PLXNA2: variants seen among roughly 807,000 people sequenced by gnomAD.
The protein encoded by PLXNA2 is plexin A2.
A neutral mutation model predicts 193.5 loss-of-function variants in PLXNA2; 91 were observed. The observed-to-expected ratio is 0.47, with a 90% CI of 0.40 to 0.56. PLXNA2 has a LOEUF of 0.56. PLXNA2 is among the 20% of genes least tolerant of loss of function. The pLI, the probability that PLXNA2 is intolerant of heterozygous loss-of-function variation, is 0.00. For synonymous variants in PLXNA2, 997 were observed against 1,027.3 expected (o/e 0.97, Z 0.56); for missense variants, 1,995 against 2,503.2 (o/e 0.80, Z 4.33).
intron 2 of PLXNA2, among the ~76,000 whole-genome samples, chr1:208,212,191 G>C (rs917860047): frequency 1.3e-5 from 2 of 152,194 alleles, no homozygotes; most frequent in African/African-American, 2.4e-5. Flanking sequence ...CCCTCACCAG[G>C]GAAGAGCAGG....
rs371725917 is a variant in PLXNA2 at position 208,042,286 on chromosome 1, C to A, written c.4098G>T (p.Leu1366=). The change falls in exon 22 of 32, where the codon CTG becomes CTT. Residue 1366 remains leucine, a synonymous_variant. Coordinates refer to ENST00000367033, the MANE Select transcript of PLXNA2 (RefSeq NM_025179.4). ...GCAGCTCCAGGGTGCGGATGAAGGTCAGCAGGAACACCTTGTTGTTGATGA... is the reference window on the plus strand; with the variant it reads ...GCAGCTCCAGGGTGCGGATGAAGGTAAGCAGGAACACCTTGTTGTTGATGA... The part of the protein sequence containing the change: ...AQLINNKVFL[L]TFIRTLELQR... 2.8e-5 allele frequency: 45 copies of A among 1,614,084 alleles called. No homozygotes were observed. The highest frequency in any genetic ancestry group is 8.3e-5 in the Admixed American group (5 of 60,004).
At chr1:208,148,700 G>C (rs1048848166) in intron 3 of PLXNA2, among the ~76,000 whole-genome samples, 1 of 152,194 alleles carries the variant, frequency 6.6e-6, no homozygotes, top group African/African-American at 2.4e-5. Context: ...TGGACAATTT[G>C]TCTGGTCTTC....
intron 22 of PLXNA2, among the ~76,000 whole-genome samples, chr1:208,040,734 A>G (rs753238776): frequency 1.4e-4 from 21 of 152,244 alleles, no homozygotes; most frequent in Non-Finnish European, 1.9e-4. Flanking sequence ...GCTAAGCACT[A>G]TCCATTAGCT....
intron 5 of PLXNA2, among the ~76,000 whole-genome samples, chr1:208,099,817 C>T (rs555805684): frequency 3.9e-5 from 6 of 152,142 alleles, no homozygotes; most frequent in East Asian, 3.9e-4. Context: ...GATCCACCTG[C>T]GTCAGTCTCC....
At chr1:208,173,572 G>A (rs188687343) in intron 3 of PLXNA2, among the ~76,000 whole-genome samples, 4 of 152,318 alleles carry the variant, frequency 2.6e-5, no homozygotes, top group Admixed American at 2.0e-4. Context: ...CCAGCCCAGC[G>A]TTCTTTCCAG....
rs563657687 is a variant in PLXNA2 at position 208,045,410 on chromosome 1, G to A, written c.3496-200C>T. On this transcript the variant is annotated intron_variant, in intron 18 of 31. Transcript: ENST00000367033. ...AGAGAAAACAGACGCAGGAGAGAAT[G>A]AAAATGAAGAAGAGAGTGGGAAAAA... Among the ~76,000 whole-genome samples the A allele has an allele frequency of 2.0e-4, 31 of 152,314 alleles. No individual in the cohort carries two copies. The East Asian group carries it at 4.8e-3, about 24-fold the overall frequency.
intron 9 of PLXNA2, among the ~76,000 whole-genome samples, chr1:208,090,940 G>A (rs1666686757): frequency 6.6e-6 from 1 of 152,146 alleles, no homozygotes; most frequent in African/African-American, 2.4e-5. Context: ...AAGCTGTGGT[G>A]CCCACTCCCA....
intron 13 of PLXNA2, among the ~76,000 whole-genome samples, chr1:208,055,669 TC>T (rs1665407510): frequency 6.6e-6 from 1 of 152,124 alleles, no homozygotes; most frequent in Admixed American, 6.5e-5. Context: ...GTGGGGAAGA[TC>T]CGTGTTTAAC....
chr1:208,067,122 A>G (rs1039063326), intron 12 of PLXNA2, among the ~76,000 whole-genome samples: 7 of 152,320 alleles, frequency 4.6e-5, no homozygotes, highest in Non-Finnish European at 1.0e-4. Flanking sequence ...AGGCAGGCGG[A>G]TCACCTGAGT....
At chr1:208,220,586 C>G (rs1671296514) in intron 1 of PLXNA2, among the ~76,000 whole-genome samples, 1 of 151,646 alleles carries the variant, frequency 6.6e-6, no homozygotes, top group Non-Finnish European at 1.5e-5. Context: ...GCACGTGCCA[C>G]CACACCCGCC....
chr1:208,192,802 G>A (rs750783851), intron 3 of PLXNA2, among the ~76,000 whole-genome samples: 2 of 151,516 alleles, frequency 1.3e-5, no homozygotes, highest in East Asian at 1.9e-4. Context: ...CAGGAGAATC[G>A]CTTGAACCCA....
chr1:208,112,234 A>T (rs1667503994), intron 4 of PLXNA2, among the ~76,000 whole-genome samples: 1 of 152,212 alleles, frequency 6.6e-6, no homozygotes, highest in African/African-American at 2.4e-5. Flanking sequence ...TTCTGGCCCC[A>T]TACAGTGGAA....
At chr1:208,116,137 T>C (rs962958265) in intron 4 of PLXNA2, among the ~76,000 whole-genome samples, 1 of 152,046 alleles carries the variant, frequency 6.6e-6, no homozygotes, top group Non-Finnish European at 1.5e-5. Flanking sequence ...CCAAACATCC[T>C]CCCCTCTCCC....
chr1:208,192,449 T>C (rs1670212132), intron 3 of PLXNA2, among the ~76,000 whole-genome samples: 1 of 150,574 alleles, frequency 6.6e-6, no homozygotes. Context: ...TTGAACCTTT[T>C]TTTTTAAACA....
At chr1:208,141,151 C>A (rs911631744) in intron 4 of PLXNA2, among the ~76,000 whole-genome samples, 1 of 152,192 alleles carries the variant, frequency 6.6e-6, no homozygotes, top group Admixed American at 6.5e-5. Flanking sequence ...ATGCAATTAT[C>A]GTATGATTTA....
At chr1:208,141,011 C>G (rs937929500) in intron 4 of PLXNA2, among the ~76,000 whole-genome samples, 1 of 152,208 alleles carries the variant, frequency 6.6e-6, no homozygotes, top group Non-Finnish European at 1.5e-5. Context: ...CTTACCCACT[C>G]TAGGTTAGGC....
chr1:208,188,161 A>G (rs1321708894), intron 3 of PLXNA2, among the ~76,000 whole-genome samples: 2 of 152,196 alleles, frequency 1.3e-5, no homozygotes, highest in Admixed American at 1.3e-4. Flanking sequence ...CATGCCTTCA[A>G]CTAGGCACCT....
intron 4 of PLXNA2, among the ~76,000 whole-genome samples, chr1:208,104,618 G>C (rs914832748): frequency 6.6e-6 from 1 of 152,182 alleles, no homozygotes; most frequent in Non-Finnish European, 1.5e-5. Flanking sequence ...TGTGATGAGC[G>C]AAAGCGATCA....
In PLXNA2 at chr1:208,194,901, C is replaced by T. The variant is rs1471163691; in HGVS notation, c.1371+15379G>A. Among the ~76,000 whole-genome samples the T allele has an allele frequency of 5.9e-5, 9 of 152,146 alleles. No homozygotes were observed. The East Asian group carries it at 1.5e-3, about 26-fold the overall frequency. ...CTCAAGGTGCTGTTTCCTGCAGTGT[C>T]CTATGTGACTTGCTTGTGGGTACAG... On this transcript the variant is annotated intron_variant, in intron 3 of 31. Transcript: ENST00000367033.
Sources: gnomAD v4.1 joint callset for allele counts (sites outside exome capture counted in the v4.1 genomes callset) on GRCh38, gnomAD v4.1.1 for gene constraint, MANE v1.5 for transcripts, NCBI Gene and HGNC (gene_info 2026-07-23, HGNC 2026-07-21) for gene names.